The following ARHGAP24 variants were observed in gnomAD, a reference collection of about 807,000 sequenced individuals.
ARHGAP24 encodes rho GTPase-activating protein 24.
In ARHGAP24, 50 loss-of-function variants were observed where a neutral mutation model predicts 76.4. The ratio of observed to expected loss-of-function variants is 0.65; its 90% confidence interval spans 0.52 to 0.83. The LOEUF (loss-of-function observed/expected upper bound fraction) is 0.83, where lower values mean the gene tolerates loss of function less well. Among genes scored for constraint, ARHGAP24 ranks in the 40% least tolerant of loss-of-function variants. ARHGAP24 has a pLI of 0.00. For missense variants in ARHGAP24, 930 were observed against 914.2 expected, an observed-to-expected ratio of 1.02 and a Z score of -0.22; for synonymous variants, 345 against 323.3, an observed-to-expected ratio of 1.07 and a Z score of -0.72.
At chr4:85,744,027 C>T (rs1725932690) in intron 3 of ARHGAP24, among the ~76,000 whole-genome samples, 2 of 152,040 alleles carry the variant, frequency 1.3e-5, no homozygotes, top group African/African-American at 2.4e-5. Context: ...AGGTGATTTT[C>T]ATCCTCCATA....
intron 2 of ARHGAP24, among the ~76,000 whole-genome samples, chr4:85,695,179 AG>A (rs1410979409): frequency 1.3e-5 from 2 of 152,232 alleles, no homozygotes; most frequent in Admixed American, 1.3e-4. Context: ...TTCTGTGAAA[AG>A]TAAAGCAAAA....
rs139959169 is a variant in ARHGAP24, at chr4:85,648,544, C to A, written c.181-73341C>A. On this transcript the variant is annotated intron_variant, in intron 2 of 9. Coordinates refer to ENST00000395184, the MANE Select transcript of ARHGAP24 (RefSeq NM_001025616.3). ...AAACAGATACATGAGCTTCACCCCA[C>A]CCAGCACCCATGACAGAACAGACGA... is the stretch of plus-strand genomic sequence containing the variant. 7.0e-4 allele frequency among the ~76,000 whole-genome samples: 106 copies of A among 152,146 alleles called. 1 individual carries two copies. The highest frequency in any genetic ancestry group is 2.4e-3 in the African/African-American group (98 of 41,546).
At chr4:85,952,118 C>T (rs1294767148) in intron 5 of ARHGAP24, among the ~76,000 whole-genome samples, 1 of 152,106 alleles carries the variant, frequency 6.6e-6, no homozygotes, top group Non-Finnish European at 1.5e-5. Flanking sequence ...TCTTTCTATA[C>T]ATAGCAGATA....
Position 85,569,876 on chromosome 4 carries a change from T to A in ARHGAP24, c.-20-646T>A, listed in dbSNP as rs557327294. Reference sequence around the variant, plus strand: ...CTTGAAATGGGGACACACGTCAGGCTAGCTCTTGCTCAGGTAAACCTAGGC... The same window carrying A: ...CTTGAAATGGGGACACACGTCAGGCAAGCTCTTGCTCAGGTAAACCTAGGC... On this transcript the variant is annotated intron_variant, in intron 1 of 9. Coordinates refer to ENST00000395184, the MANE Select transcript of ARHGAP24 (RefSeq NM_001025616.3). Among the ~76,000 whole-genome samples the A allele has an allele frequency of 6.1e-4, 93 of 152,326 alleles. 2 individuals are homozygous for A. In the South Asian group the frequency reaches 0.019, roughly 31 times the overall value.
At chr4:85,899,412 C>G (rs1262760552) in intron 3 of ARHGAP24, among the ~76,000 whole-genome samples, 1 of 152,054 alleles carries the variant, frequency 6.6e-6, no homozygotes, top group East Asian at 1.9e-4. Flanking sequence ...GTTGCTTTAC[C>G]CACACATTTC....
intron 3 of ARHGAP24, among the ~76,000 whole-genome samples, chr4:85,775,287 C>T (rs1435639904): frequency 6.6e-6 from 1 of 152,076 alleles, no homozygotes; most frequent in Non-Finnish European, 1.5e-5. Context: ...AGGAGCATCC[C>T]ACACAGATGT....
intron 1 of ARHGAP24, among the ~76,000 whole-genome samples, chr4:85,528,689 A>C (rs1277156096): frequency 6.6e-6 from 1 of 152,094 alleles, no homozygotes; most frequent in East Asian, 1.9e-4. Context: ...TGTTAAGTAA[A>C]GTTCAAACAG....
At chr4:85,827,379 C>T (rs1729766641) in intron 3 of ARHGAP24, among the ~76,000 whole-genome samples, 1 of 151,216 alleles carries the variant, frequency 6.6e-6, no homozygotes, top group South Asian at 2.1e-4. Context: ...AGCCCTGTTA[C>T]CTGGAAACCT....
At chr4:85,966,331 G>A (rs1341781873) in intron 5 of ARHGAP24, among the ~76,000 whole-genome samples, 1 of 152,166 alleles carries the variant, frequency 6.6e-6, no homozygotes, top group Non-Finnish European at 1.5e-5. Context: ...GGATCATGCA[G>A]TTCTCTGCCA....
At chr4:85,749,710 C>T (rs1726185413) in intron 3 of ARHGAP24, among the ~76,000 whole-genome samples, 1 of 152,116 alleles carries the variant, frequency 6.6e-6, no homozygotes, top group Non-Finnish European at 1.5e-5. Context: ...GGATTACAGG[C>T]ACCTGCCACC....
At chr4:85,832,803 C>T (rs1464952541) in intron 3 of ARHGAP24, among the ~76,000 whole-genome samples, 1 of 152,198 alleles carries the variant, frequency 6.6e-6, no homozygotes, top group Non-Finnish European at 1.5e-5. Flanking sequence ...GGTGTGCTTA[C>T]ATGCACAGGG....
chr4:85,705,013 T>C (rs144597966), intron 2 of ARHGAP24, among the ~76,000 whole-genome samples: 58 of 152,224 alleles, frequency 3.8e-4, no homozygotes, highest in African/African-American at 1.3e-3. Context: ...TTGCTTTTTA[T>C]GATTGATATA....
chr4:85,816,480 T>C (rs1729243591), intron 3 of ARHGAP24, among the ~76,000 whole-genome samples: 1 of 152,236 alleles, frequency 6.6e-6, no homozygotes, highest in South Asian at 2.1e-4. Context: ...CATTTCCTTC[T>C]TTTTTAAGGC....
At chr4:85,922,218 G>A (rs137880513) in intron 3 of ARHGAP24, among the ~76,000 whole-genome samples, 4 of 152,232 alleles carry the variant, frequency 2.6e-5, no homozygotes, top group East Asian at 1.9e-4. Context: ...TAGTTATTGC[G>A]CTTCTCTGAC....
chr4:85,855,585 A>G (rs913440827), intron 3 of ARHGAP24, among the ~76,000 whole-genome samples: 4 of 151,986 alleles, frequency 2.6e-5, no homozygotes, highest in Non-Finnish European at 4.4e-5. Context: ...TGAGGTCAGC[A>G]GTTCGAGACC....
intron 3 of ARHGAP24, among the ~76,000 whole-genome samples, chr4:85,820,600 T>C (rs545507318): frequency 9.2e-5 from 14 of 152,146 alleles, no homozygotes; most frequent in Non-Finnish European, 1.8e-4. Context: ...TTTATCTATA[T>C]AACAAATGCA....
At chr4:85,662,842 A>G (rs1238533065) in intron 2 of ARHGAP24, among the ~76,000 whole-genome samples, 2 of 152,052 alleles carry the variant, frequency 1.3e-5, no homozygotes, top group Non-Finnish European at 1.5e-5. Context: ...ATGCGGCGTT[A>G]TTTCTGAGGG....
At chr4:85,740,053 A>G (rs1306533740) in intron 3 of ARHGAP24, among the ~76,000 whole-genome samples, 1 of 152,136 alleles carries the variant, frequency 6.6e-6, no homozygotes, top group Non-Finnish European at 1.5e-5. Context: ...CCTTTCACAC[A>G]TGCTGGATCC....
chr4:85,496,463 C>A (rs1194768823), intron 1 of ARHGAP24, among the ~76,000 whole-genome samples: 1 of 152,242 alleles, frequency 6.6e-6, no homozygotes, highest in African/African-American at 2.4e-5. Flanking sequence ...TAACCAACAG[C>A]AAACAACTCT....
Sources: allele counts gnomAD v4.1 joint callset (sites outside exome capture counted in the v4.1 genomes callset), GRCh38; gene constraint gnomAD v4.1.1; transcripts MANE v1.5; gene names NCBI Gene and HGNC (gene_info 2026-07-23, HGNC 2026-07-21).